Variants in HDAC5 observed in about 807,000 individuals in gnomAD.
HDAC5 encodes histone deacetylase 5, also known as antigen NY-CO-9.
Under a neutral mutation model 133.3 loss-of-function variants are expected in HDAC5, and 25 were observed. The observed-to-expected ratio is 0.19, with a 90% CI of 0.14 to 0.26. The LOEUF (loss-of-function observed/expected upper bound fraction) is 0.26, where lower values mean the gene tolerates loss of function less well. Ranked by LOEUF, HDAC5 falls within the 10% of genes least tolerant of loss-of-function variation. The pLI is 1.00. For missense variants in HDAC5, 1,041 were observed against 1,460.5 expected (o/e 0.71, Z 4.68); for synonymous variants, 589 against 610.8 (o/e 0.96, Z 0.53).
Position 44,091,394 on chromosome 17 carries a change from G to A in HDAC5, c.1263C>T (p.Ser421=), listed in dbSNP as rs149865571. The A allele has an allele frequency of 1.3e-6, 2 of 1,579,278 alleles. No homozygotes were observed. Among genetic ancestry groups the A allele is most frequent in the Middle Eastern group, 1.7e-4 (1 of 5,874 alleles). ...CGCCCAGCAGGCAGCCAGGAATAGA[G>A]GATGTGCTCATGAACTTGCCGGTCA... ...GTLTGKFMST[S]SIPGCLLGVA... The change falls in exon 11 of 27, where the codon TCC becomes TCT. Residue 421 remains serine, a synonymous_variant. Transcript: ENST00000682912.
At chr17:44,080,305 C>G in intron 22 of HDAC5, 80 bp from the exon 23 acceptor site, 1 of 1,541,346 alleles carries the variant, frequency 6.5e-7, no homozygotes, top group East Asian at 2.2e-5. Flanking sequence ...CAGAGACAAC[C>G]CCCTCTACCC....
intron 11 of HDAC5, 66 bp downstream of exon 11, chr17:44,091,204 G>T: frequency 8.4e-7 from 1 of 1,194,684 alleles, no homozygotes; most frequent in Non-Finnish European, 1.2e-6. Flanking sequence ...GACAGGGTTG[G>T]AGAGTATCCC....
In HDAC5 at chr17:44,091,421, C is replaced by A. The variant is rs752785249; in HGVS notation, c.1236G>T (p.Thr412=). The A allele has an allele frequency of 3.2e-6, 5 of 1,558,304 alleles. No homozygotes were observed. The highest frequency in any genetic ancestry group is 1.4e-5 in the African/African-American group (1 of 73,866). The change falls in exon 11 of 27, where the codon ACG becomes ACT. Residue 412 remains threonine (T), a synonymous_variant. Coordinates refer to ENST00000682912, the MANE Select transcript of HDAC5 (RefSeq NM_005474.5). ...ATGTGCTCATGAACTTGCCGGTCAG[C>A]GTGCCACCCTGCCGCAGGGACTGGA... ...QALQSLRQGG[T]LTGKFMSTSS... is the part of the protein sequence containing the mutation.
At position 44,084,499 on chromosome 17, in the gene HDAC5, C is replaced by G. The variant is rs932163868; in HGVS notation, c.2305+56G>C. 4 of 1,603,810 alleles carry G rather than the reference C, an allele frequency of 2.5e-6. No homozygotes were observed. The African/African-American group carries it at 5.3e-5, about 21-fold the overall frequency. On this transcript the variant is annotated intron_variant, in intron 16 of 26. Transcript: ENST00000682912. ...CTGGTCAGGCAGTCTTCCTGAGAGCCCCCATCCCACCCTGACACTGAACAT... is the reference window on the plus strand; with the variant it reads ...CTGGTCAGGCAGTCTTCCTGAGAGCGCCCATCCCACCCTGACACTGAACAT...
In HDAC5 at chr17:44,080,321, G is replaced by C. The variant is rs1438638121; in HGVS notation, c.2825+80C>G. ...AGAGACAACCCCCTCTACCCACACTGAACTGAGTGCCTTCTGCCCCTCCCA... is the reference window on the plus strand; with the variant it reads ...AGAGACAACCCCCTCTACCCACACTCAACTGAGTGCCTTCTGCCCCTCCCA... On this transcript the variant is annotated intron_variant, in intron 22 of 26. Coordinates refer to ENST00000682912, the MANE Select transcript of HDAC5 (RefSeq NM_005474.5). 1.9e-6 allele frequency: 3 copies of C among 1,547,418 alleles called. No individual in the cohort carries two copies. The African/African-American group carries it at 4.1e-5, about 21-fold the overall frequency.
intron 23 of HDAC5, among the ~76,000 whole-genome samples, chr17:44,079,588 C>T (rs551819549): frequency 5.3e-4 from 70 of 131,356 alleles, no homozygotes; most frequent in Non-Finnish European, 9.4e-4. Flanking sequence ...TGCAGTGAGC[C>T]GAGATCACGC....
intron 3 of HDAC5, among the ~76,000 whole-genome samples, chr17:44,109,923 T>C (rs777118649): frequency 6.6e-6 from 1 of 152,200 alleles, no homozygotes; most frequent in African/African-American, 2.4e-5. Context: ...CCAGGAAGGC[T>C]TGATGCTGCC....
At chr17:44,094,792 G>A (rs1010715821) in intron 3 of HDAC5, among the ~76,000 whole-genome samples, 2 of 151,606 alleles carry the variant, frequency 1.3e-5, no homozygotes, top group African/African-American at 4.9e-5. Flanking sequence ...ATATGTGTGT[G>A]TATTTATCTC....
rs2051071261 is a variant in HDAC5 at position 44,093,490 on chromosome 17, A to G, written c.355-5T>C. 5.0e-6 allele frequency: 8 copies of G among 1,605,246 alleles called. No individual in the cohort carries two copies. The highest frequency in any genetic ancestry group is 1.7e-4 in the Middle Eastern group (1 of 6,026). Reference sequence around the variant, plus strand: ...TGCCAGCATCTCCTGCTGCTGCTGCAGGGGCATGGGAACGGAGGCACAAGT... The same window carrying G: ...TGCCAGCATCTCCTGCTGCTGCTGCGGGGGCATGGGAACGGAGGCACAAGT... On this transcript the variant is annotated splice_polypyrimidine_tract_variant and splice_region_variant and intron_variant, in intron 4 of 26. Transcript: ENST00000682912.
intron 11 of HDAC5, among the ~76,000 whole-genome samples, chr17:44,088,843 T>C (rs905563994): frequency 3.9e-5 from 6 of 152,264 alleles, no homozygotes; most frequent in Admixed American, 6.5e-5. Context: ...TTCACCATCT[T>C]TTCCCTTCGA....
Position 44,091,319 on chromosome 17 carries a change from C to A in HDAC5, c.1338G>T (p.Gln446His), listed in dbSNP as rs2050936922. ...GSPHGHASLL[Q>H]HVLLLEQARQ... ...GGGCCTGCTCCAGCAACAGCACATGCTGCAGCAGGGAGGCATGCCCGTGGG... is the reference window on the plus strand; with the variant it reads ...GGGCCTGCTCCAGCAACAGCACATGATGCAGCAGGGAGGCATGCCCGTGGG... Residue 446 changes from glutamine to histidine, a missense_variant, in exon 11 of 27, where the codon CAG (glutamine) becomes CAT (histidine). Physicochemically the swap from Gln to His is conservative, Grantham distance 24. Around this residue, in one of 9 missense-constraint regions of HDAC5, gnomAD observed 433 missense variants for 531.6 expected, o/e 0.81. Coordinates refer to ENST00000682912, the MANE Select transcript of HDAC5 (RefSeq NM_005474.5). The A allele has an allele frequency of 1.2e-6, 2 of 1,611,228 alleles. No homozygotes were observed. Among genetic ancestry groups the A allele is most frequent in the African/African-American group, 1.3e-5 (1 of 74,910 alleles).
chr17:44,123,060 G>C (rs2053108992), intron 1 of HDAC5, among the ~76,000 whole-genome samples: 1 of 152,154 alleles, frequency 6.6e-6, no homozygotes. Flanking sequence ...GCTCTGGGTG[G>C]ACAGCACCCC....
chr17:44,112,548 A>G (rs2052408512), intron 2 of HDAC5, among the ~76,000 whole-genome samples: 1 of 151,732 alleles, frequency 6.6e-6, no homozygotes, highest in African/African-American at 2.4e-5. Flanking sequence ...AGCCAGGGAC[A>G]CCTGTCCTCT....
chr17:44,086,723 G>C lies in HDAC5; in HGVS notation c.1899C>G (p.Ala633=). 7.7e-7 allele frequency: 1 copy of C among 1,297,316 alleles called. No individual in the cohort carries two copies. The highest frequency in any genetic ancestry group is 9.8e-7 in the Non-Finnish European group (1 of 1,015,988). 80.4% of individuals were successfully genotyped at this position (1,297,316 alleles called of 1,614,324 possible). A position where few individuals can be genotyped will look rare whatever the true frequency, so the allele number is the denominator to read the frequency against. The change falls in exon 14 of 27, where the codon GCC becomes GCG. Residue 633 remains alanine, a synonymous_variant. Coordinates refer to ENST00000682912, the MANE Select transcript of HDAC5 (RefSeq NM_005474.5). The stretch of plus-strand genomic sequence containing the variant: ...ACACCTGCAAAGGCTGCAGCGGCTG[G>C]GCATCTGAGAACAGCTGGAGGGGAG... ...GAGYKKLFSD[A]QPLQPLQVYQ...
chr17:44,092,782 G>T lies in HDAC5; in HGVS notation c.666C>A (p.Asp222Glu). ...GGCCGCTCTGGGGAGGGGAACTCTG[G>T]TCCAAAGAAGCATGGTGGGCTCCCC... ...KCWGAHHASLDQSSPPQSGPP... is the reference protein window; with the variant it reads ...KCWGAHHASLEQSSPPQSGPP... Residue 222 changes from aspartate to glutamate, a missense_variant, in exon 7 of 27, where the codon GAC (aspartate) becomes GAA (glutamate). By Grantham distance (45) the Asp-to-Glu change is conservative. Coordinates refer to ENST00000682912, the MANE Select transcript of HDAC5 (RefSeq NM_005474.5). The T allele has an allele frequency of 8.0e-7, 1 of 1,252,922 alleles. No individual in the cohort carries two copies. The highest frequency in any genetic ancestry group is 1.1e-6 in the Non-Finnish European group (1 of 922,352). 77.6% of individuals were successfully genotyped at this position (1,252,922 alleles called of 1,614,324 possible). A position where few individuals can be genotyped will look rare whatever the true frequency, so the allele number is the denominator to read the frequency against.
intron 21 of HDAC5, 58 bp from the exon 22 acceptor site, chr17:44,080,556 C>T: frequency 6.4e-7 from 1 of 1,564,538 alleles, no homozygotes; most frequent in Non-Finnish European, 8.8e-7. Context: ...CAAACATTGC[C>T]CCTGCCCTCA....
intron 2 of HDAC5, among the ~76,000 whole-genome samples, chr17:44,113,201 G>A (rs777307744): frequency 7.2e-5 from 11 of 152,190 alleles, no homozygotes; most frequent in Non-Finnish European, 1.3e-4. Context: ...GAAGAGGAAG[G>A]CGTCAGTTAC....
chr17:44,091,393 A>G lies in HDAC5; in HGVS notation c.1264T>C (p.Ser422Pro). The G allele has an allele frequency of 1.9e-6, 3 of 1,580,298 alleles. No individual in the cohort carries two copies. The highest frequency in any genetic ancestry group is 2.6e-6 in the Non-Finnish European group (3 of 1,163,662). Residue 422 changes from serine (S) to proline (P), a missense_variant, in exon 11 of 27, where the codon TCT (serine) becomes CCT (proline). Around this residue, in one of 9 missense-constraint regions of HDAC5, gnomAD observed 433 missense variants for 531.6 expected, o/e 0.81. Coordinates refer to ENST00000682912, the MANE Select transcript of HDAC5 (RefSeq NM_005474.5). ...ACGCCCAGCAGGCAGCCAGGAATAG[A>G]GGATGTGCTCATGAACTTGCCGGTC... is the stretch of plus-strand genomic sequence containing the variant. ...TLTGKFMSTS[S>P]IPGCLLGVAL...
At chr17:44,100,991 A>G (rs2051570308) in intron 3 of HDAC5, among the ~76,000 whole-genome samples, 1 of 149,024 alleles carries the variant, frequency 6.7e-6, no homozygotes, top group Non-Finnish European at 1.5e-5. Flanking sequence ...GGGTTTCACC[A>G]TGTTGGTCAG....
Sources: allele counts gnomAD v4.1 joint callset (sites outside exome capture counted in the v4.1 genomes callset), GRCh38; gene constraint gnomAD v4.1.1; regional missense constraint gnomAD v4.1.1; transcripts MANE v1.5; gene names NCBI Gene and HGNC (gene_info 2026-07-23, HGNC 2026-07-21).